Variants in PTPRD observed in about 807,000 individuals in gnomAD.
PTPRD encodes receptor-type tyrosine-protein phosphatase delta.
Under a neutral mutation model 214.5 loss-of-function variants are expected in PTPRD, and 34 were observed. That is an observed-to-expected ratio of 0.16 (90% CI 0.12 to 0.21). The LOEUF (loss-of-function observed/expected upper bound fraction) is 0.21. Ranked by LOEUF, PTPRD falls within the 10% of genes least tolerant of loss-of-function variation. The pLI, the probability that PTPRD is intolerant of heterozygous loss-of-function variation, is 1.00. For synonymous variants in PTPRD, 1,128 were observed against 845.7 expected, an observed-to-expected ratio of 1.33 and a Z score of -5.79; for missense variants, 2,545 against 2,398.7, an observed-to-expected ratio of 1.06 and a Z score of -1.27.
chr9:9,363,672 C>A (rs577996967), intron 9 of PTPRD, among the ~76,000 whole-genome samples: 1 of 151,048 alleles, frequency 6.6e-6, no homozygotes, highest in Non-Finnish European at 1.5e-5. Flanking sequence ...GTGTGTGGGG[C>A]CTGAAGCTCA....
intron 8 of PTPRD, among the ~76,000 whole-genome samples, chr9:9,560,026 C>T (rs730887): frequency 2.6e-5 from 4 of 152,144 alleles, no homozygotes; most frequent in Non-Finnish European, 5.9e-5. Flanking sequence ...CCCCTCAAGT[C>T]GGGCTTCTCG....
intron 9 of PTPRD, among the ~76,000 whole-genome samples, chr9:9,192,777 G>T (rs1293977606): frequency 6.6e-6 from 1 of 152,072 alleles, no homozygotes; most frequent in Non-Finnish European, 1.5e-5. Context: ...TACACTGGAG[G>T]AGGGAAGAAG....
At chr9:9,561,490 C>T (rs1354339174) in intron 8 of PTPRD, among the ~76,000 whole-genome samples, 1 of 152,108 alleles carries the variant, frequency 6.6e-6, no homozygotes, top group Non-Finnish European at 1.5e-5. Flanking sequence ...ATCAACACTA[C>T]TAAGTAAATG....
chr9:10,414,595 C>A (rs1162863107), intron 2 of PTPRD, among the ~76,000 whole-genome samples: 1 of 151,868 alleles, frequency 6.6e-6, no homozygotes, highest in East Asian at 1.9e-4. Flanking sequence ...TGGCTATATG[C>A]CCAGAAGAAT....
intron 5 of PTPRD, among the ~76,000 whole-genome samples, chr9:9,774,471 C>G (rs998939735): frequency 6.6e-6 from 1 of 152,154 alleles, no homozygotes; most frequent in Non-Finnish European, 1.5e-5. Context: ...CATTTATTAA[C>G]CTATGTTCTT....
At chr9:8,693,204 C>A (rs1597175649) in intron 12 of PTPRD, among the ~76,000 whole-genome samples, 1 of 152,284 alleles carries the variant, frequency 6.6e-6, no homozygotes, top group Admixed American at 6.5e-5. Context: ...ACAACTCCCA[C>A]CTATACTTTT....
intron 11 of PTPRD, among the ~76,000 whole-genome samples, chr9:8,808,335 G>C (rs2096729255): frequency 6.6e-6 from 1 of 152,050 alleles, no homozygotes; most frequent in African/African-American, 2.4e-5. Flanking sequence ...ACTGCGTCAA[G>C]TCTTTTTCAT....
intron 11 of PTPRD, among the ~76,000 whole-genome samples, chr9:8,876,260 CAT>C (rs1329815614): frequency 6.6e-6 from 1 of 152,038 alleles, no homozygotes; most frequent in East Asian, 1.9e-4. Context: ...GCTCATGAGA[CAT>C]AGCTGTAAAA....
chr9:9,734,947 G>A (rs1023548292), intron 6 of PTPRD, among the ~76,000 whole-genome samples: 8 of 152,100 alleles, frequency 5.3e-5, no homozygotes, highest in African/African-American at 1.7e-4. Context: ...GGGAGAAGCA[G>A]ACCAAAGTTT....
intron 10 of PTPRD, among the ~76,000 whole-genome samples, chr9:9,131,783 A>T (rs2099843039): frequency 6.6e-6 from 1 of 152,242 alleles, no homozygotes; most frequent in African/African-American, 2.4e-5. Context: ...CTTAATTATG[A>T]GAGTTCGATA....
intron 11 of PTPRD, among the ~76,000 whole-genome samples, chr9:8,929,817 A>G (rs201300018): frequency 3.9e-4 from 36 of 91,182 alleles, no homozygotes; most frequent in East Asian, 1.7e-3. Context: ...GTGTATATAT[A>G]TGTGTATATA....
At chr9:9,204,697 G>A (rs964252379) in intron 9 of PTPRD, among the ~76,000 whole-genome samples, 2 of 152,150 alleles carry the variant, frequency 1.3e-5, no homozygotes, top group African/African-American at 4.8e-5. Flanking sequence ...AAATGCAACT[G>A]AAAAGAACAT....
intron 8 of PTPRD, among the ~76,000 whole-genome samples, chr9:9,560,488 A>G (rs930697134): frequency 1.3e-5 from 2 of 152,132 alleles, no homozygotes; most frequent in African/African-American, 4.8e-5. Flanking sequence ...CTCCACACTC[A>G]CAGGGAATCT....
chr9:10,526,459 T>A (rs1345621440), intron 2 of PTPRD, among the ~76,000 whole-genome samples: 1 of 152,070 alleles, frequency 6.6e-6, no homozygotes, highest in Non-Finnish European at 1.5e-5. Context: ...AATGATAGAT[T>A]TGAGAATAAA....
intron 12 of PTPRD, among the ~76,000 whole-genome samples, chr9:8,642,735 C>A (rs1385426092): frequency 2.6e-5 from 4 of 152,132 alleles, no homozygotes; most frequent in Non-Finnish European, 5.9e-5. Context: ...ACATTCCCTT[C>A]CAGCCACAGC....
intron 7 of PTPRD, among the ~76,000 whole-genome samples, chr9:9,585,242 G>C (rs1007089008): frequency 2.0e-5 from 3 of 152,038 alleles, no homozygotes; most frequent in East Asian, 1.9e-4. Context: ...ATAATGCCTA[G>C]GGGCAAAGCT....
At chr9:10,356,657 A>C (rs1304318190) in intron 2 of PTPRD, among the ~76,000 whole-genome samples, 1 of 152,056 alleles carries the variant, frequency 6.6e-6, no homozygotes, top group East Asian at 1.9e-4. Context: ...ATTATGGCTC[A>C]TGTATTCATA....
intron 10 of PTPRD, among the ~76,000 whole-genome samples, chr9:9,086,912 T>C (rs534956839): frequency 1.1e-4 from 17 of 151,950 alleles, no homozygotes; most frequent in Non-Finnish European, 2.2e-4. Flanking sequence ...TACCATACAA[T>C]AGCAAAAGCC....
At chr9:9,358,139 AC>A (rs1421835926) in intron 9 of PTPRD, among the ~76,000 whole-genome samples, 2 of 151,270 alleles carry the variant, frequency 1.3e-5, no homozygotes, top group African/African-American at 4.8e-5. Context: ...CCTTTTTGAA[AC>A]AGCATATTCT....
Sources: allele counts gnomAD v4.1 joint callset (sites outside exome capture counted in the v4.1 genomes callset), GRCh38; gene constraint gnomAD v4.1.1; transcripts MANE v1.5; gene names NCBI Gene and HGNC (gene_info 2026-07-23, HGNC 2026-07-21).